ADGRV1: variants seen among roughly 807,000 people sequenced by gnomAD.
ADGRV1 encodes G-protein coupled receptor 98.
ADGRV1 carries 359 observed loss-of-function variants against 596.2 expected under a neutral mutation model. The ratio of observed to expected loss-of-function variants is 0.60; its 90% CI spans 0.55 to 0.66. The LOEUF (loss-of-function observed/expected upper bound fraction) is 0.66, where lower values mean the gene tolerates loss of function less well. Among genes scored for constraint, ADGRV1 ranks in the 30% least tolerant of loss-of-function variants. The pLI, the probability that ADGRV1 is intolerant of heterozygous loss-of-function variation, is 0.00. For synonymous variants in ADGRV1, 2,681 were observed against 2,679.2 expected (o/e 1.00, Z -0.02); for missense variants, 7,274 against 7,575.6 (o/e 0.96, Z 1.48).
At chr5:91,115,166 T>C (rs1792741307) in intron 87 of ADGRV1, among the ~76,000 whole-genome samples, 1 of 152,232 alleles carries the variant, frequency 6.6e-6, no homozygotes, top group African/African-American at 2.4e-5. Context: ...ATTGGTTTTG[T>C]TCATGCTCCT....
chr5:90,611,120 C>T (rs527802047), intron 1 of ADGRV1, among the ~76,000 whole-genome samples: 3 of 151,370 alleles, frequency 2.0e-5, no homozygotes, highest in Admixed American at 6.6e-5. Flanking sequence ...GAGCACAGGG[C>T]GTTGCATGAT....
At chr5:91,051,697 C>T (rs916680113) in intron 85 of ADGRV1, among the ~76,000 whole-genome samples, 5 of 151,930 alleles carry the variant, frequency 3.3e-5, no homozygotes, top group Non-Finnish European at 5.9e-5. Context: ...CAGGTGCCCG[C>T]CACCATGCCC....
At position 90,689,969 on chromosome 5, in the gene ADGRV1, C is replaced by T. The variant is rs771621314; in HGVS notation, c.6599C>T (p.Ser2200Phe). 2 of 1,610,772 alleles carry T rather than the reference C, an allele frequency of 1.2e-6. No individual in the cohort carries two copies. Among genetic ancestry groups the T allele is most frequent in the Admixed American group, 1.7e-5 (1 of 59,624 alleles). ...INDIYPELEE[S>F]FLVQLMNETT... Reference sequence around the variant, plus strand: ...GATATCTATCCTGAACTGGAAGAATCTTTTCTTGTGCAACTGATGAATGAA... The same window carrying T: ...GATATCTATCCTGAACTGGAAGAATTTTTTCTTGTGCAACTGATGAATGAA... Residue 2200 changes from serine to phenylalanine, a missense_variant, in exon 30 of 90, where the codon TCT (serine) becomes TTT (phenylalanine). By Grantham distance (155) the Ser-to-Phe change is radical. Transcript: ENST00000405460.
intron 76 of ADGRV1, among the ~76,000 whole-genome samples, chr5:90,826,937 A>T (rs1337682324): frequency 6.6e-6 from 1 of 152,200 alleles, no homozygotes; most frequent in Non-Finnish European, 1.5e-5. Flanking sequence ...CTTGAATTCC[A>T]GTCCATTTCC....
At chr5:90,574,771 TA>T (rs1756987536) in intron 1 of ADGRV1, among the ~76,000 whole-genome samples, 4 of 152,202 alleles carry the variant, frequency 2.6e-5, no homozygotes, top group Admixed American at 2.6e-4. Context: ...CAGAAGTTGA[TA>T]GTGGTCTGTT....
intron 87 of ADGRV1, among the ~76,000 whole-genome samples, chr5:91,125,272 A>G (rs1582132172): frequency 6.6e-6 from 1 of 152,220 alleles, no homozygotes; most frequent in South Asian, 2.1e-4. Context: ...TGCTGCTGAC[A>G]TGGCGTACAA....
chr5:90,785,827 A>G (rs1337531391), intron 67 of ADGRV1, among the ~76,000 whole-genome samples: 3 of 152,214 alleles, frequency 2.0e-5, no homozygotes, highest in Non-Finnish European at 4.4e-5. Context: ...TTCAACCATT[A>G]TGGAAGACAG....
chr5:90,743,511 G>A (rs913971581), intron 50 of ADGRV1, among the ~76,000 whole-genome samples: 12 of 134,214 alleles, frequency 8.9e-5, no homozygotes, highest in African/African-American at 2.9e-4. Flanking sequence ...TTAATGTGTC[G>A]CCCAGGCTAG....
In ADGRV1 at chr5:90,808,133, G is replaced by A. The variant is rs1186619593; in HGVS notation, c.14972+396G>A. Among the ~76,000 whole-genome samples the A allele has an allele frequency of 2.0e-5, 3 of 152,172 alleles. No homozygotes were observed. The East Asian group carries it at 5.8e-4, about 29-fold the overall frequency. Reference sequence around the variant, plus strand: ...AGTAGGGTGATAATATTACTTATTTGGACCAGTGGCCCTTTGACTTTAATT... The same window carrying A: ...AGTAGGGTGATAATATTACTTATTTAGACCAGTGGCCCTTTGACTTTAATT... On this transcript the variant is annotated intron_variant, in intron 73 of 89. Transcript: ENST00000405460.
In ADGRV1 at chr5:90,921,063, T is replaced by G. The variant is rs546369611; in HGVS notation, c.17857-44352T>G. ...CTATCAACAAATTTCAAGTTCCCTA[T>G]GTGTTCCTCCCAGATTGTATGTTCC... On this transcript the variant is annotated intron_variant, in intron 83 of 89. Coordinates refer to ENST00000405460, the MANE Select transcript of ADGRV1 (RefSeq NM_032119.4). Among the ~76,000 whole-genome samples the G allele has an allele frequency of 3.9e-5, 6 of 152,354 alleles. No individual in the cohort carries two copies. The East Asian group carries it at 1.2e-3, about 29-fold the overall frequency.
chr5:90,866,346 T>TGTGTGTG, intron 83 of ADGRV1, among the ~76,000 whole-genome samples: 1 of 151,654 alleles, frequency 6.6e-6, no homozygotes, highest in African/African-American at 2.4e-5. Context: ...TGTGTGTGTA[T>TGTGTGTG]TTTCTTGATT....
chr5:90,833,093 G>A (rs1764655506), intron 77 of ADGRV1, among the ~76,000 whole-genome samples: 1 of 151,974 alleles, frequency 6.6e-6, no homozygotes, highest in Non-Finnish European at 1.5e-5. Flanking sequence ...TGAGTCTTTT[G>A]TAGTTCCATT....
intron 70 of ADGRV1, chr5:90,791,548 G>T (rs1760080608): frequency 1.8e-6 from 1 of 547,732 alleles, no homozygotes; most frequent in Non-Finnish European, 3.2e-6. Flanking sequence ...GGAGATAATA[G>T]ATTTTTGTGT....
rs532133661 is a variant in ADGRV1 at position 90,602,383 on chromosome 5, A to C, written c.23-12452A>C. On this transcript the variant is annotated intron_variant, in intron 1 of 89. Coordinates refer to ENST00000405460, the MANE Select transcript of ADGRV1 (RefSeq NM_032119.4). ...GGCAAGAGTAACTTTGCAGTGGAGCACCCTGACAAATACCACCTCGGCCAG... is the reference window on the plus strand; with the variant it reads ...GGCAAGAGTAACTTTGCAGTGGAGCCCCCTGACAAATACCACCTCGGCCAG... Among the ~76,000 whole-genome samples the C allele has an allele frequency of 9.8e-5, 15 of 152,310 alleles. No homozygotes were observed. In the South Asian group the frequency reaches 3.1e-3, roughly 32 times the overall value.
intron 86 of ADGRV1, among the ~76,000 whole-genome samples, chr5:91,092,048 C>T (rs1271814025): frequency 6.6e-6 from 1 of 152,074 alleles, no homozygotes; most frequent in Non-Finnish European, 1.5e-5. Flanking sequence ...TCAGTAAGTG[C>T]TATGAAGAAA....
At position 90,689,979 on chromosome 5, in the gene ADGRV1, G is replaced by A. The variant is rs1380918118; in HGVS notation, c.6609G>A (p.Val2203=). The stretch of plus-strand genomic sequence containing the variant: ...CTGAACTGGAAGAATCTTTTCTTGT[G>A]CAACTGATGAATGAAACAACAGGAG... The part of the protein sequence containing the change: ...IYPELEESFL[V]QLMNETTGGA... The change falls in exon 30 of 90, where the codon GTG becomes GTA. Residue 2203 remains valine, a synonymous_variant. Transcript: ENST00000405460. The A allele has an allele frequency of 1.2e-6, 2 of 1,609,382 alleles. No homozygotes were observed. The highest frequency in any genetic ancestry group is 8.5e-7 in the Non-Finnish European group (1 of 1,177,598).
At chr5:90,882,638 C>T (rs1440881732) in intron 83 of ADGRV1, among the ~76,000 whole-genome samples, 1 of 152,150 alleles carries the variant, frequency 6.6e-6, no homozygotes, top group African/African-American at 2.4e-5. Flanking sequence ...CACTCACCCC[C>T]TTCCTGCTTA....
intron 87 of ADGRV1, among the ~76,000 whole-genome samples, chr5:91,114,231 C>T (rs769779688): frequency 6.7e-6 from 1 of 148,530 alleles, no homozygotes; most frequent in Non-Finnish European, 1.5e-5. Flanking sequence ...AAACACACAA[C>T]CACACAGAAA....
intron 77 of ADGRV1, among the ~76,000 whole-genome samples, chr5:90,830,546 G>A (rs1764440127): frequency 6.6e-6 from 1 of 152,086 alleles, no homozygotes; most frequent in Non-Finnish European, 1.5e-5. Flanking sequence ...GGGAATTGAA[G>A]TTGCCAAAAG....
Sources: allele counts gnomAD v4.1 joint callset (sites outside exome capture counted in the v4.1 genomes callset), GRCh38; gene constraint gnomAD v4.1.1; transcripts MANE v1.5; gene names NCBI Gene and HGNC (gene_info 2026-07-23, HGNC 2026-07-21).